The following WWTR1 variants were observed in gnomAD, a reference collection of about 807,000 sequenced individuals.
WWTR1 encodes the protein WW domain containing transcription regulator 1.
A neutral mutation model predicts 40.1 loss-of-function variants in WWTR1; 13 were observed. The observed-to-expected ratio is 0.32, with a 90% CI of 0.21 to 0.52. The LOEUF (loss-of-function observed/expected upper bound fraction) is 0.52. Among genes scored for constraint, WWTR1 ranks in the 20% least tolerant of loss-of-function variants. WWTR1 has a pLI of 0.97. For missense variants in WWTR1, 436 were observed against 523.1 expected (o/e 0.83, Z 1.63); for synonymous variants, 230 against 210.1 (o/e 1.09, Z -0.82).
intron 2 of WWTR1, among the ~76,000 whole-genome samples, chr3:149,650,387 CATTT>C (rs1712795864): frequency 6.6e-6 from 1 of 152,136 alleles, no homozygotes; most frequent in African/African-American, 2.4e-5. Flanking sequence ...GACCCCAGGA[CATTT>C]ATTTAACCTC....
chr3:149,692,835 A>G (rs551280960), intron 1 of WWTR1, among the ~76,000 whole-genome samples: 1 of 152,170 alleles, frequency 6.6e-6, no homozygotes, highest in Non-Finnish European at 1.5e-5. Flanking sequence ...GGTTTTTACC[A>G]TGTTGGCCAG....
intron 1 of WWTR1, among the ~76,000 whole-genome samples, chr3:149,688,769 A>G (rs933086224): frequency 9.9e-5 from 15 of 152,196 alleles, no homozygotes; most frequent in Non-Finnish European, 1.8e-4. Context: ...GACCATCCAG[A>G]AAAACAGGAC....
chr3:149,627,630 G>A (rs1417038309), intron 2 of WWTR1, among the ~76,000 whole-genome samples: 1 of 152,144 alleles, frequency 6.6e-6, no homozygotes, highest in African/African-American at 2.4e-5. Context: ...ACCAAACAGA[G>A]ATATCCATGT....
At chr3:149,649,283 CG>C (rs1420967475) in intron 2 of WWTR1, among the ~76,000 whole-genome samples, 27 of 152,196 alleles carry the variant, frequency 1.8e-4, no homozygotes, top group Admixed American at 2.6e-4. Flanking sequence ...TGAGCCACCG[CG>C]CCCAGCCAAG....
At chr3:149,545,487 G>A (rs1006945131) in intron 3 of WWTR1, among the ~76,000 whole-genome samples, 3 of 152,110 alleles carry the variant, frequency 2.0e-5, no homozygotes, top group Non-Finnish European at 4.4e-5. Flanking sequence ...AGGAAAACAA[G>A]GCTTCAAAGG....
chr3:149,568,192 C>T (rs1165346103), intron 3 of WWTR1, among the ~76,000 whole-genome samples: 1 of 151,954 alleles, frequency 6.6e-6, no homozygotes, highest in Non-Finnish European at 1.5e-5. Flanking sequence ...TCGAGACCAC[C>T]CTGGCCAACA....
At chr3:149,577,581 T>C (rs1041209850) in intron 2 of WWTR1, among the ~76,000 whole-genome samples, 6 of 152,048 alleles carry the variant, frequency 3.9e-5, no homozygotes, top group Admixed American at 3.9e-4. Flanking sequence ...ACTGCCCAGG[T>C]TGGACAAAAG....
intron 4 of WWTR1, among the ~76,000 whole-genome samples, chr3:149,529,055 C>A (rs1317793940): frequency 6.6e-6 from 1 of 152,224 alleles, no homozygotes; most frequent in Non-Finnish European, 1.5e-5. Context: ...CATAACCAGA[C>A]ATCAAATTCC....
intron 3 of WWTR1, among the ~76,000 whole-genome samples, chr3:149,565,185 T>C (rs1364555305): frequency 6.6e-6 from 1 of 152,110 alleles, no homozygotes; most frequent in African/African-American, 2.4e-5. Context: ...AGATTGCATC[T>C]CAGAAAATAA....
chr3:149,622,871 C>T (rs1576604026), intron 2 of WWTR1, among the ~76,000 whole-genome samples: 1 of 147,312 alleles, frequency 6.8e-6, no homozygotes, highest in Admixed American at 6.9e-5. Flanking sequence ...GTCTGGGTGA[C>T]AGAGTGAGAC....
chr3:149,603,026 C>T lies in WWTR1; in HGVS notation c.432-30026G>A, dbSNP rs535996312. On this transcript the variant is annotated intron_variant, in intron 2 of 6. Coordinates refer to ENST00000360632, the MANE Select transcript of WWTR1 (RefSeq NM_015472.6). ...AATAAATAAATAACCAGGCTTCTTTCTACTCTAGGTTTCAACTGTAGAAAT... is the reference window on the plus strand; with the variant it reads ...AATAAATAAATAACCAGGCTTCTTTTTACTCTAGGTTTCAACTGTAGAAAT... Among the ~76,000 whole-genome samples, 53 of 152,188 alleles carry T rather than the reference C, an allele frequency of 3.5e-4. No individual in the cohort carries two copies. In the South Asian group the frequency reaches 0.011, roughly 31 times the overall value.
intron 2 of WWTR1, among the ~76,000 whole-genome samples, chr3:149,585,388 G>A (rs952363561): frequency 6.6e-6 from 1 of 152,156 alleles, no homozygotes; most frequent in African/African-American, 2.4e-5. Flanking sequence ...GCCTGCCTCG[G>A]CCTCCCAAAG....
At chr3:149,603,541 AG>A (rs11315404) in intron 2 of WWTR1, among the ~76,000 whole-genome samples, 6,425 of 147,150 alleles carry the variant, frequency 0.044, 350 homozygotes, top group East Asian at 0.14. Flanking sequence ...TTAGTTACAA[AG>A]GTTCCCCACC....
Position 149,527,901 on chromosome 3 carries a change from G to T in WWTR1, c.840C>A (p.Asn280Lys). 6.2e-7 allele frequency: 1 copy of T among 1,614,120 alleles called. No individual in the cohort carries two copies. Among genetic ancestry groups the T allele is most frequent in the Non-Finnish European group, 8.5e-7 (1 of 1,180,010 alleles). The change falls in exon 5 of 7, where the codon AAC becomes AAA. Residue 280 changes from asparagine (N) to lysine (K), a missense_variant. Coordinates refer to ENST00000360632, the MANE Select transcript of WWTR1 (RefSeq NM_015472.6). ...ETLAPVQAAV[N>K]PPTMTPDMRS... ...TCATGTCTGGGGTCATCGTGGGTGGGTTGACAGCAGCCTGAACTGGGGCAA... is the reference window on the plus strand; with the variant it reads ...TCATGTCTGGGGTCATCGTGGGTGGTTTGACAGCAGCCTGAACTGGGGCAA...
intron 3 of WWTR1, among the ~76,000 whole-genome samples, chr3:149,559,837 C>T (rs1003127979): frequency 2.0e-5 from 3 of 152,174 alleles, no homozygotes; most frequent in Non-Finnish European, 4.4e-5. Context: ...TTCCAGCCTC[C>T]CACCTCTATC....
chr3:149,670,261 G>C (rs12638349), intron 1 of WWTR1, among the ~76,000 whole-genome samples: 30,275 of 152,126 alleles, frequency 0.2, 3,273 homozygotes, highest in Admixed American at 0.3. Context: ...TTATCACAGT[G>C]CGTACAGACT....
At chr3:149,643,752 T>C (rs1712327226) in intron 2 of WWTR1, among the ~76,000 whole-genome samples, 2 of 152,210 alleles carry the variant, frequency 1.3e-5, no homozygotes, top group Non-Finnish European at 2.9e-5. Context: ...GGAAAGAAAG[T>C]GTCCTCGTGG....
At chr3:149,603,555 C>G (rs1051885152) in intron 2 of WWTR1, among the ~76,000 whole-genome samples, 3 of 135,200 alleles carry the variant, frequency 2.2e-5, no homozygotes, top group East Asian at 2.9e-4. Context: ...TCCCCACCCC[C>G]CCCTTGTACT....
At chr3:149,622,508 A>AGGAAGGAAGGAG (rs1469514756) in intron 2 of WWTR1, among the ~76,000 whole-genome samples, 1 of 138,954 alleles carries the variant, frequency 7.2e-6, no homozygotes, top group African/African-American at 2.8e-5. Flanking sequence ...GAAGGAAGAA[A>AGGAAGGAAGGAG]GAAAGAAAGA....
Sources: allele counts gnomAD v4.1 joint callset (sites outside exome capture counted in the v4.1 genomes callset), GRCh38; gene constraint gnomAD v4.1.1; transcripts MANE v1.5; gene names NCBI Gene and HGNC (gene_info 2026-07-23, HGNC 2026-07-21).